SGK3: variants seen among roughly 807,000 people sequenced by gnomAD.
SGK3 encodes serum/glucocorticoid regulated kinase family member 3, also known as serine/threonine-protein kinase Sgk3.
A neutral mutation model predicts 68.5 loss-of-function variants in SGK3; 47 were observed. The observed-to-expected ratio is 0.69, with a 90% confidence interval of 0.54 to 0.87. The LOEUF is 0.87. SGK3 is among the 40% of genes least tolerant of loss of function. SGK3 has a pLI of 0.00. For synonymous variants in SGK3, 181 were observed against 189.1 expected (o/e 0.96, Z 0.35); for missense variants, 479 against 575.5 (o/e 0.83, Z 1.72).
intron 1 of SGK3, among the ~76,000 whole-genome samples, chr8:66,781,552 G>T (rs1806981978): frequency 6.6e-6 from 1 of 152,078 alleles, no homozygotes; most frequent in Non-Finnish European, 1.5e-5. Context: ...GAAAACAAAG[G>T]GCTGTCAGTG....
At chr8:66,727,200 C>G (rs988014258) in intron 1 of SGK3, among the ~76,000 whole-genome samples, 1 of 152,086 alleles carries the variant, frequency 6.6e-6, no homozygotes, top group African/African-American at 2.4e-5. Flanking sequence ...CTCCTAGGCT[C>G]AAGTGACCCT....
chr8:66,747,818 T>C (rs1055636196), intron 1 of SGK3, among the ~76,000 whole-genome samples: 1 of 152,362 alleles, frequency 6.6e-6, no homozygotes, highest in East Asian at 1.9e-4. Context: ...TTTTAAACTT[T>C]TAGCCACTTA....
At chr8:66,859,273 C>G in intron 16 of SGK3, 138 bp from the exon 17 acceptor site, 4 of 1,038,302 alleles carry the variant, frequency 3.9e-6, no homozygotes, top group Non-Finnish European at 5.1e-6. Flanking sequence ...GCGGAGGTTG[C>G]AGTGAGCCAA....
chr8:66,843,335 G>T, intron 13 of SGK3, 117 bp from the exon 14 acceptor site: 2 of 883,048 alleles, frequency 2.3e-6, no homozygotes, highest in Non-Finnish European at 3.5e-6. Flanking sequence ...TGGAAATCTA[G>T]ATAATTTGGT....
rs567924674 is a variant in SGK3, at chr8:66,724,325, C to T, written c.-122+11492C>T. 3.3e-5 allele frequency among the ~76,000 whole-genome samples: 5 copies of T among 152,334 alleles called. No individual in the cohort carries two copies. The South Asian group carries it at 6.2e-4, about 19-fold the overall frequency. ...CACTAAGGCTGGGCGCGGCGGCTCA[C>T]GCCTGTAATCCCAGCACTTTGGGAG... On this transcript the variant is annotated intron_variant, in intron 1 of 16. Transcript: ENST00000521198.
intron 16 of SGK3, among the ~76,000 whole-genome samples, chr8:66,858,790 TTTTG>T (rs529338832): frequency 1.1e-3 from 173 of 152,280 alleles, no homozygotes; most frequent in African/African-American, 3.9e-3. Context: ...TTTTGCATTT[TTTTG>T]TTTGTTTTTT....
At chr8:66,738,632 C>CTT (rs113377762) in intron 1 of SGK3, among the ~76,000 whole-genome samples, 2 of 145,612 alleles carry the variant, frequency 1.4e-5, no homozygotes, top group African/African-American at 5.0e-5. Context: ...GATCCACTTT[C>CTT]TTTTTTTTTT....
Position 66,793,773 on chromosome 8 carries a change from T to C in SGK3, c.37T>C (p.Cys13Arg). Residue 13 changes from cysteine (C) to arginine (R), a missense_variant, in exon 2 of 17, where the codon TGC becomes CGC. This residue lies in a region of SGK3 where 298 missense variants were observed against 329.4 expected (regional missense o/e 0.90). Coordinates refer to ENST00000521198, the MANE Select transcript of SGK3 (RefSeq NM_001033578.3). ...RDHTMDYKES[C>R]PSVSIPSSDE... ...TCACACCATGGACTACAAGGAAAGC[T>C]GCCCAAGTGTAAGCATTCCCAGCTC... The C allele has an allele frequency of 1.2e-6, 2 of 1,613,482 alleles. No homozygotes were observed. The highest frequency in any genetic ancestry group is 1.1e-5 in the South Asian group (1 of 91,006).
intron 6 of SGK3, among the ~76,000 whole-genome samples, chr8:66,824,185 A>G (rs750795848): frequency 3.9e-5 from 6 of 152,208 alleles, no homozygotes; most frequent in Non-Finnish European, 5.9e-5. Flanking sequence ...TCCTAGGACA[A>G]TGTAAAAAGC....
chr8:66,839,500 T>G (rs1359754972), intron 10 of SGK3, among the ~76,000 whole-genome samples: 17 of 3,600 alleles, frequency 4.7e-3, no homozygotes, highest in Middle Eastern at 0.062. Context: ...TGTATGGAGA[T>G]ATATATATAT....
intron 2 of SGK3, 85 bp from the exon 3 acceptor site, chr8:66,798,453 AAAAT>A: frequency 7.8e-7 from 1 of 1,285,794 alleles, no homozygotes; most frequent in Non-Finnish European, 1.1e-6. Flanking sequence ...AAAAAAAAAA[AAAAT>A]TAAAACAGGT....
Position 66,853,807 on chromosome 8 carries a change from G to A in SGK3, c.1320+2887G>A, listed in dbSNP as rs993028524. Among the ~76,000 whole-genome samples, 5 of 152,276 alleles carry A rather than the reference G, an allele frequency of 3.3e-5. 1 individual carries two copies. The South Asian group carries it at 8.3e-4, about 25-fold the overall frequency. On this transcript the variant is annotated intron_variant, in intron 16 of 16. Transcript: ENST00000521198. ...TTCTCTCAGCAGCTGATAGAGAAAGGATAATAGCAGTGACCTAAAATGGGC... is the reference window on the plus strand; with the variant it reads ...TTCTCTCAGCAGCTGATAGAGAAAGAATAATAGCAGTGACCTAAAATGGGC...
chr8:66,851,329 C>T (rs1810274290), intron 16 of SGK3, among the ~76,000 whole-genome samples: 2 of 152,020 alleles, frequency 1.3e-5, no homozygotes, highest in South Asian at 2.1e-4. Context: ...GCCTGGCCAA[C>T]ATGGCGAAAC....
In SGK3 at chr8:66,771,007, T is replaced by C. The variant is rs1052195821; in HGVS notation, c.-121-22609T>C. On this transcript the variant is annotated intron_variant, in intron 1 of 16. Transcript: ENST00000521198. ...CTTTCACAGCCTGATACCCAGTATC[T>C]TGAAAACAGATGTTTTATATATTTT... Among the ~76,000 whole-genome samples the C allele has an allele frequency of 1.3e-4, 20 of 152,222 alleles. 2 individuals carry two copies. The highest frequency in any genetic ancestry group is 1.2e-3 in the Admixed American group (19 of 15,276).
At chr8:66,856,605 A>C (rs976448084) in intron 16 of SGK3, among the ~76,000 whole-genome samples, 1 of 152,212 alleles carries the variant, frequency 6.6e-6, no homozygotes, top group African/African-American at 2.4e-5. Context: ...TGGGATGCTC[A>C]GCCTGTATTA....
intron 15 of SGK3, among the ~76,000 whole-genome samples, chr8:66,848,789 TCTATCTC>T: frequency 6.6e-6 from 1 of 152,198 alleles, no homozygotes; most frequent in East Asian, 1.9e-4. Context: ...GAGGTACTAC[TCTATCTC>T]CTTCCCTTCT....
intron 1 of SGK3, among the ~76,000 whole-genome samples, chr8:66,740,811 A>G (rs1226890938): frequency 6.6e-6 from 1 of 151,322 alleles, no homozygotes; most frequent in African/African-American, 2.4e-5. Context: ...GGAGGATGAG[A>G]CGAAAGAATC....
At chr8:66,808,186 T>G (rs571233232) in intron 4 of SGK3, among the ~76,000 whole-genome samples, 2 of 152,280 alleles carry the variant, frequency 1.3e-5, no homozygotes, top group South Asian at 4.2e-4. Context: ...ACCTTTGACT[T>G]TGGAACCATG....
intron 1 of SGK3, among the ~76,000 whole-genome samples, chr8:66,766,022 C>CAA (rs111349387): frequency 5.6e-5 from 7 of 124,026 alleles, no homozygotes; most frequent in Non-Finnish European, 1.1e-4. Context: ...AATACTCCGT[C>CAA]AAAAAAAAAA....
Sources: gnomAD v4.1 joint callset for allele counts (sites outside exome capture counted in the v4.1 genomes callset) on GRCh38, gnomAD v4.1.1 for gene constraint, gnomAD v4.1.1 regional missense constraint, MANE v1.5 for transcripts, NCBI Gene and HGNC (gene_info 2026-07-23, HGNC 2026-07-21) for gene names.